The following KIF11 variants were observed in gnomAD, a reference collection of about 807,000 sequenced individuals.
KIF11 encodes kinesin-like protein KIF11.
KIF11 carries 9 observed loss-of-function variants against 121.0 expected under a neutral mutation model. The observed-to-expected ratio is 0.07, with a 90% confidence interval of 0.04 to 0.13. The LOEUF (loss-of-function observed/expected upper bound fraction) is 0.13. Among genes scored for constraint, KIF11 ranks in the 10% least tolerant of loss-of-function variants. KIF11 has a pLI of 1.00. For synonymous variants in KIF11, 408 were observed against 421.0 expected, an observed-to-expected ratio of 0.97 and a Z score of 0.38; for missense variants, 846 against 1,217.5, an observed-to-expected ratio of 0.69 and a Z score of 4.54.
In KIF11 at chr10:92,633,791, T is replaced by G; in HGVS notation, c.1871T>G (p.Leu624Trp). ...GAAAGTAAAACTGTACTACAGGAAT[T>G]GATTGTTAGTACATCCTTTAAAATA... ...AAESKTVLQE[L>W]INVLKTDLLS... The change falls in exon 14 of 22, where the codon TTG (leucine) becomes TGG (tryptophan). Residue 624 changes from leucine (L) to tryptophan (W), a missense_variant. Transcript: ENST00000260731. 1 of 1,557,824 alleles carries G rather than the reference T, an allele frequency of 6.4e-7. No homozygotes were observed. The highest frequency in any genetic ancestry group is 8.8e-7 in the Non-Finnish European group (1 of 1,139,136).
In KIF11 at chr10:92,616,814, CA is replaced by C; in HGVS notation, c.1116del (p.Ala373LeufsTer10). The C allele has an allele frequency of 1.9e-6, 3 of 1,587,306 alleles. No homozygotes were observed. Among genetic ancestry groups the C allele is most frequent in the South Asian group, 1.1e-5 (1 of 88,290 alleles). On this transcript the variant is annotated frameshift_variant, in exon 9 of 22. Transcript: ENST00000260731. LOFTEE classifies it high-confidence loss of function. ...NKPEVNQKLTKKALIKEYTEE... is the reference protein window; with the variant it reads ...NKPEVNQKLTXKALIKEYTEE... ...AGCCTGAAGTGAATCAGAAACTCAC[CA>C]AAAAAGCTCTTATTAAGGTAACTGT...
At chr10:92,639,976 C>G in intron 17 of KIF11, 76 bp downstream of exon 17, 2 of 731,816 alleles carry the variant, frequency 2.7e-6, no homozygotes, top group Non-Finnish European at 4.6e-6. Context: ...TTAAATAGTA[C>G]AAATAATTCC....
chr10:92,633,063 CTT>C (rs369354437), intron 13 of KIF11, among the ~76,000 whole-genome samples: 1 of 151,220 alleles, frequency 6.6e-6, no homozygotes, highest in African/African-American at 2.4e-5. Flanking sequence ...CATTCTGCAA[CTT>C]TTTTTGGGGG....
At chr10:92,633,553 T>G (rs770003028) in intron 13 of KIF11, 70 bp from the exon 14 acceptor site, 54 of 1,138,338 alleles carry the variant, frequency 4.7e-5, no homozygotes, top group Non-Finnish European at 1.3e-5. Context: ...TCAACTTCTT[T>G]GAAATGGTTT....
chr10:92,640,752 A>C (rs11187111), intron 17 of KIF11, among the ~76,000 whole-genome samples: 13,358 of 148,442 alleles, frequency 0.09, 670 homozygotes, highest in Middle Eastern at 0.12. Flanking sequence ...TTCAGACAAA[A>C]ACAAACAGCC....
At chr10:92,634,364 G>C (rs1327687224) in intron 14 of KIF11, among the ~76,000 whole-genome samples, 1 of 151,448 alleles carries the variant, frequency 6.6e-6, no homozygotes, top group African/African-American at 2.4e-5. Context: ...CTGCCTCCTG[G>C]GTTCAAGCAG....
chr10:92,644,337 A>T (rs1844897687), intron 17 of KIF11, among the ~76,000 whole-genome samples: 1 of 151,912 alleles, frequency 6.6e-6, no homozygotes, highest in Non-Finnish European at 1.5e-5. Context: ...TTTATTTGAG[A>T]CAGAGTCTTG....
intron 4 of KIF11, among the ~76,000 whole-genome samples, chr10:92,608,201 T>C (rs1166183867): frequency 6.6e-6 from 1 of 150,862 alleles, no homozygotes; most frequent in Non-Finnish European, 1.5e-5. Context: ...AGTCTTGAAC[T>C]CTTGGGCTTC....
intron 10 of KIF11, among the ~76,000 whole-genome samples, chr10:92,627,130 T>C (rs1365678885): frequency 6.6e-6 from 1 of 152,244 alleles, no homozygotes; most frequent in Non-Finnish European, 1.5e-5. Flanking sequence ...AACTCTTCTC[T>C]TACAGCTCTT....
At chr10:92,598,014 TG>T (rs1364481527) in intron 1 of KIF11, among the ~76,000 whole-genome samples, 1 of 152,128 alleles carries the variant, frequency 6.6e-6, no homozygotes, top group African/African-American at 2.4e-5. Context: ...TGTGAACTCC[TG>T]GACTCAAATA....
At chr10:92,618,596 A>G (rs1326128156) in intron 9 of KIF11, among the ~76,000 whole-genome samples, 6 of 150,686 alleles carry the variant, frequency 4.0e-5, no homozygotes, top group African/African-American at 1.5e-4. Context: ...GTGAGCTGAG[A>G]TCGAGCCACT....
At chr10:92,601,731 G>A (rs1844375251) in intron 1 of KIF11, among the ~76,000 whole-genome samples, 1 of 149,618 alleles carries the variant, frequency 6.7e-6, no homozygotes, top group African/African-American at 2.5e-5. Flanking sequence ...TTTTAGAGAT[G>A]GGGTCTCGCT....
In KIF11 at chr10:92,593,273, A is replaced by C. The variant is rs1260090753; in HGVS notation, c.-103A>C. 1.7e-5 allele frequency: 21 copies of C among 1,219,012 alleles called. No individual in the cohort carries two copies. The highest frequency in any genetic ancestry group is 2.8e-4 in the Middle Eastern group (1 of 3,592). The allele number at this position is 1,219,012 out of a possible 1,614,324, so 75.5% of individuals were successfully genotyped here. The stretch of plus-strand genomic sequence containing the variant: ...GTCCTCCAGGCCACGCCAGCGCCCG[A>C]GAGGGACCAGGGAGACTCCGGCCCC... On this transcript the variant is annotated 5_prime_UTR_variant, in exon 1 of 22. Transcript: ENST00000260731.
chr10:92,645,540 T>G lies in KIF11; in HGVS notation c.2445T>G (p.Thr815=), dbSNP rs749843726. The change falls in exon 18 of 22, where the codon ACT becomes ACG. Residue 815 remains threonine (T), a synonymous_variant. Transcript: ENST00000260731. ...ACCTGGAAAAAATATCTCAAGAGAC[T>G]GAACAGAGATGTGAATCTCTGAACA... The part of the protein sequence containing the change: ...NGNLEKISQE[T]EQRCESLNTR... 2 of 1,613,624 alleles carry G rather than the reference T, an allele frequency of 1.2e-6. No homozygotes were observed. The highest frequency in any genetic ancestry group is 1.3e-5 in the African/African-American group (1 of 75,048).
chr10:92,647,823 T>C (rs1165697013), intron 18 of KIF11, among the ~76,000 whole-genome samples: 1 of 152,128 alleles, frequency 6.6e-6, no homozygotes, highest in Non-Finnish European at 1.5e-5. Context: ...TTTTAAATCT[T>C]TTATTACTGA....
rs58660991 is a variant in KIF11 at position 92,605,482 on chromosome 10, ATTTTTTTTTTT to A, written c.78-772_78-762del. The stretch of plus-strand genomic sequence containing the variant: ...CTACATCATAACCTAATTTGATCGG[ATTTTTTTTTTT>A]TTTTTTTTTTGAGACGGAGTTTCGC... On this transcript the variant is annotated intron_variant, in intron 1 of 21. Transcript: ENST00000260731. Among the ~76,000 whole-genome samples, 4 of 98,298 alleles carry A rather than the reference ATTTTTTTTTTT, an allele frequency of 4.1e-5. No homozygotes were observed. In the South Asian group the frequency reaches 1.5e-3, roughly 36 times the overall value. The allele number at this position is 98,298 out of a possible 152,430, so 64.5% of individuals were successfully genotyped here.
Position 92,613,648 on chromosome 10 carries a change from G to A in KIF11, c.1032+29G>A. 6.3e-7 allele frequency: 1 copy of A among 1,575,312 alleles called. No homozygotes were observed. The highest frequency in any genetic ancestry group is 1.2e-5 in the South Asian group (1 of 86,892). The stretch of plus-strand genomic sequence containing the variant: ...AGCCCTTTGAAAGGAAGCTGCAAGT[G>A]TAGTAGCTGTAATTCTTATTTGGCT... On this transcript the variant is annotated intron_variant, in intron 8 of 21. Transcript: ENST00000260731. The surrounding 1 kb of genome is among the most constrained non-coding windows in gnomAD (Gnocchi z 4.2).
chr10:92,611,445 C>T (rs1396094878), intron 6 of KIF11, among the ~76,000 whole-genome samples: 2 of 151,912 alleles, frequency 1.3e-5, no homozygotes, highest in African/African-American at 4.8e-5. Flanking sequence ...ATCTCCTGAC[C>T]TCGTGATCCG....
intron 10 of KIF11, among the ~76,000 whole-genome samples, chr10:92,622,538 C>G (rs1844629765): frequency 4.6e-5 from 7 of 151,934 alleles, no homozygotes; most frequent in Admixed American, 3.3e-4. Context: ...TCACTTGAAC[C>G]TGGGAGGCAG....
Sources: allele counts gnomAD v4.1 joint callset (sites outside exome capture counted in the v4.1 genomes callset), GRCh38; gene constraint gnomAD v4.1.1; non-coding constraint Gnocchi (gnomAD v3.1); transcripts MANE v1.5; gene names NCBI Gene and HGNC (gene_info 2026-07-23, HGNC 2026-07-21).